BRWD3: variants seen among roughly 807,000 people sequenced by gnomAD.
BRWD3 encodes the protein bromodomain and WD repeat-containing protein 3.
In BRWD3, 10 loss-of-function variants were observed where a neutral mutation model predicts 149.7. The observed-to-expected ratio is 0.07, with a 90% CI of 0.04 to 0.11. The LOEUF (loss-of-function observed/expected upper bound fraction) is 0.11. Ranked by LOEUF, BRWD3 falls within the 10% of genes least tolerant of loss-of-function variation. BRWD3 has a pLI of 1.00. For missense variants in BRWD3, 940 were observed against 1,373.2 expected (o/e 0.68, Z 4.99); for synonymous variants, 504 against 456.7 (o/e 1.10, Z -1.32).
chrX:80,767,801 G>A (rs1408801739), intron 6 of BRWD3, among the ~76,000 whole-genome samples: 5 of 111,640 alleles, frequency 4.5e-5, no homozygotes, highest in Non-Finnish European at 7.5e-5. Flanking sequence ...GAGGATGTTC[G>A]AACCCATTGC....
chrX:80,766,776 C>T (rs956858290), intron 6 of BRWD3, among the ~76,000 whole-genome samples: 1 of 112,178 alleles, frequency 8.9e-6, no homozygotes, highest in Non-Finnish European at 1.9e-5. Context: ...GTGGGTGCAG[C>T]CCTCGGAGGG....
chrX:80,776,351 G>A (rs2074000697), intron 6 of BRWD3, among the ~76,000 whole-genome samples: 1 of 111,825 alleles, frequency 8.9e-6, no homozygotes, highest in Non-Finnish European at 1.9e-5. Flanking sequence ...TTTCACACAG[G>A]CATGAAACTT....
At chrX:80,781,281 T>C (rs1203182022) in intron 6 of BRWD3, among the ~76,000 whole-genome samples, 4 of 111,383 alleles carry the variant, frequency 3.6e-5, no homozygotes, top group African/African-American at 1.3e-4. Flanking sequence ...CCGATCATTG[T>C]CCCTCCCCGT....
intron 21 of BRWD3, among the ~76,000 whole-genome samples, chrX:80,708,080 G>A (rs2072895120): frequency 8.9e-6 from 1 of 112,107 alleles, no homozygotes; most frequent in Admixed American, 9.5e-5. Context: ...CAACCGCAAT[G>A]CTGTTATCAC....
Position 80,704,722 on chromosome X carries a change from A to C in BRWD3, c.2677T>G (p.Ser893Ala). The C allele has an allele frequency of 2.5e-6, 3 of 1,211,034 alleles. No individual in the cohort carries two copies. The highest frequency in any genetic ancestry group is 3.4e-6 in the Non-Finnish European group (3 of 895,078). ...CSSSDEENLK[S>A]LEERQKKPKQ... ...GGTTTCTTCTGCCTTTCTTCTAGGGACTTCAAATTTTCCTCATCAGAGCTG... is the reference window on the plus strand; with the variant it reads ...GGTTTCTTCTGCCTTTCTTCTAGGGCCTTCAAATTTTCCTCATCAGAGCTG... The change falls in exon 23 of 41, where the codon TCC (serine) becomes GCC (alanine). Residue 893 changes from serine (S) to alanine (A), a missense_variant. Transcript: ENST00000373275.
At position 80,672,542 on chromosome X, in the gene BRWD3, G is replaced by A. The variant is rs753027445; in HGVS notation, c.*4067C>T. On this transcript the variant is annotated 3_prime_UTR_variant, in exon 41 of 41. Transcript: ENST00000373275. ...CCGTGAAAAAACTTAATTTTATATTGCAATTTAATCAAAACTTGGTAAAGA... is the reference window on the plus strand; with the variant it reads ...CCGTGAAAAAACTTAATTTTATATTACAATTTAATCAAAACTTGGTAAAGA... 3 of 111,130 alleles carry A rather than the reference G, an allele frequency of 2.7e-5. No homozygotes were observed. The highest frequency in any genetic ancestry group is 5.7e-5 in the Non-Finnish European group (3 of 52,927). 9.2% of individuals were successfully genotyped at this position (111,130 alleles called of 1,213,427 possible).
chrX:80,765,785 C>A (rs963089926), intron 6 of BRWD3, among the ~76,000 whole-genome samples: 13 of 111,872 alleles, frequency 1.2e-4, no homozygotes, highest in African/African-American at 4.2e-4. Flanking sequence ...AAACACCACT[C>A]AAGGACTTTC....
At position 80,791,892 on chromosome X, in the gene BRWD3, G is replaced by A. The variant is rs1361042711; in HGVS notation, c.392C>T (p.Pro131Leu). 3 of 1,206,312 alleles carry A rather than the reference G, an allele frequency of 2.5e-6. No homozygotes were observed. Among genetic ancestry groups the A allele is most frequent in the Middle Eastern group, 2.3e-4 (1 of 4,364 alleles). The change falls in exon 6 of 41, where the codon CCA becomes CTA. Residue 131 changes from proline to leucine, a missense_variant. Coordinates refer to ENST00000373275, the MANE Select transcript of BRWD3 (RefSeq NM_153252.5). ...AFAALHRGRPPELPVNYVKPP... is the reference protein window; with the variant it reads ...AFAALHRGRPLELPVNYVKPP... Reference sequence around the variant, plus strand: ...TTTCACATAATTTACAGGTAGTTCTGGAGGTCTGCCTCTATGCAGAGCCGC... The same window carrying A: ...TTTCACATAATTTACAGGTAGTTCTAGAGGTCTGCCTCTATGCAGAGCCGC...
intron 4 of BRWD3, among the ~76,000 whole-genome samples, chrX:80,796,166 T>G (rs1212916434): frequency 1.8e-5 from 2 of 108,483 alleles, no homozygotes; most frequent in Admixed American, 2.0e-4. Flanking sequence ...AGTCTCGCTC[T>G]GTCACCCAGA....
chrX:80,701,838 A>T (rs1339405893), intron 24 of BRWD3, among the ~76,000 whole-genome samples: 3 of 111,149 alleles, frequency 2.7e-5, no homozygotes, highest in Non-Finnish European at 5.7e-5. Flanking sequence ...ATCTATGTGT[A>T]GGCACTAGAT....
At position 80,696,578 on chromosome X, in the gene BRWD3, C is replaced by T. The variant is rs539015968; in HGVS notation, c.3068+161G>A. Among the ~76,000 whole-genome samples the T allele has an allele frequency of 8.1e-5, 8 of 98,922 alleles. No individual in the cohort carries two copies. In the South Asian group the frequency reaches 1.8e-3, roughly 22 times the overall value. 85.9% of individuals were successfully genotyped at this position (98,922 alleles called of 115,157 possible). On this transcript the variant is annotated intron_variant, in intron 26 of 40. Coordinates refer to ENST00000373275, the MANE Select transcript of BRWD3 (RefSeq NM_153252.5). Reference sequence around the variant, plus strand: ...CACACACACACAAATATAAATAAAACGGAGAAATAAACTAGGAATTAAACT... The same window carrying T: ...CACACACACACAAATATAAATAAAATGGAGAAATAAACTAGGAATTAAACT...
chrX:80,681,058 C>A (rs769229323), intron 40 of BRWD3, among the ~76,000 whole-genome samples: 1 of 104,759 alleles, frequency 9.5e-6, no homozygotes, highest in Non-Finnish European at 2.0e-5. Context: ...GATCCTCCCA[C>A]CTCAGCTTCC....
At chrX:80,776,367 C>T (rs1303386554) in intron 6 of BRWD3, among the ~76,000 whole-genome samples, 1 of 111,832 alleles carries the variant, frequency 8.9e-6, no homozygotes, top group Non-Finnish European at 1.9e-5. Context: ...AACTTCAAAC[C>T]GATGTCAGAA....
chrX:80,728,616 A>G, intron 14 of BRWD3, 136 bp downstream of exon 14: 1 of 518,787 alleles, frequency 1.9e-6, no homozygotes, highest in East Asian at 3.7e-5. Context: ...ATATGTCAAC[A>G]GAGCCCTCTC....
intron 6 of BRWD3, among the ~76,000 whole-genome samples, chrX:80,781,463 C>T (rs1429949315): frequency 9.0e-6 from 1 of 111,006 alleles, no homozygotes; most frequent in Admixed American, 9.7e-5. Flanking sequence ...GATTCTTAGT[C>T]GGCCTGGGAA....
chrX:80,779,266 G>T (rs1224331387), intron 6 of BRWD3, among the ~76,000 whole-genome samples: 1 of 111,274 alleles, frequency 9.0e-6, no homozygotes, highest in Non-Finnish European at 1.9e-5. Context: ...AGTGAGTCGA[G>T]ATTGTGCCAC....
chrX:80,734,678 T>G (rs769562865), intron 10 of BRWD3, among the ~76,000 whole-genome samples: 34 of 109,315 alleles, frequency 3.1e-4, no homozygotes, highest in African/African-American at 1.1e-3. Flanking sequence ...ATGATAAAAT[T>G]TTAGGTTCTG....
chrX:80,768,659 G>C (rs758244523), intron 6 of BRWD3, among the ~76,000 whole-genome samples: 1 of 111,590 alleles, frequency 9.0e-6, no homozygotes, highest in African/African-American at 3.3e-5. Context: ...ATGCTAGGAA[G>C]AAACTGCATC....
At chrX:80,708,636 T>G (rs969385739) in intron 21 of BRWD3, among the ~76,000 whole-genome samples, 19 of 110,940 alleles carry the variant, frequency 1.7e-4, no homozygotes, top group African/African-American at 6.2e-4. Flanking sequence ...GCCAACAGGG[T>G]GAAACCCTGG....
Sources: allele counts gnomAD v4.1 joint callset (sites outside exome capture counted in the v4.1 genomes callset), GRCh38; gene constraint gnomAD v4.1.1; transcripts MANE v1.5; gene names NCBI Gene and HGNC (gene_info 2026-07-23, HGNC 2026-07-21).